Variants in SRL observed in about 807,000 individuals in gnomAD.
The protein encoded by SRL is sarcalumenin.
A neutral mutation model predicts 39.5 loss-of-function variants in SRL; 23 were observed. The observed-to-expected ratio is 0.58, with a 90% CI of 0.42 to 0.82. The LOEUF is 0.82. Among genes scored for constraint, SRL ranks in the 40% least tolerant of loss-of-function variants. The pLI is 0.00. For synonymous variants in SRL, 272 were observed against 237.4 expected, an observed-to-expected ratio of 1.15 and a Z score of -1.34; for missense variants, 592 against 607.8, an observed-to-expected ratio of 0.97 and a Z score of 0.27.
At chr16:4,228,756 A>C (rs1180127116) in intron 1 of SRL, among the ~76,000 whole-genome samples, 2 of 151,950 alleles carry the variant, frequency 1.3e-5, no homozygotes, top group Admixed American at 1.3e-4. Context: ...AAAAAAAGAA[A>C]GAAAAAGTGA....
At chr16:4,218,815 G>A (rs749299949) in intron 1 of SRL, among the ~76,000 whole-genome samples, 45 of 152,232 alleles carry the variant, frequency 3.0e-4, no homozygotes, top group Non-Finnish European at 5.6e-4. Context: ...CCAAGTCTAC[G>A]CAGAGTTAGT....
At position 4,192,813 on chromosome 16, in the gene SRL, C is replaced by A; in HGVS notation, c.762G>T (p.Leu254=). 6.2e-7 allele frequency: 1 copy of A among 1,614,202 alleles called. No homozygotes were observed. The highest frequency in any genetic ancestry group is 1.1e-5 in the South Asian group (1 of 91,082). ...GGGTGGCCAGATTGTCAGCCTTGTTCAGGATGATCCTTATCTGGGATTCAC... is the reference window on the plus strand; with the variant it reads ...GGGTGGCCAGATTGTCAGCCTTGTTAAGGATGATCCTTATCTGGGATTCAC... ...KGRESQIRII[L]NKADNLATQM... Residue 254 remains leucine (L), a synonymous_variant, in exon 6 of 6, where the codon CTG becomes CTT. Coordinates refer to ENST00000399609, the MANE Select transcript of SRL (RefSeq NM_001098814.2). This position sits in a 1 kb window ranked among gnomAD's most constrained non-coding sequence, Gnocchi z 4.0.
rs375302007 is a variant in SRL at position 4,192,591 on chromosome 16, G to A, written c.984C>T (p.Asn328=). The change falls in exon 6 of 6, where the codon AAC becomes AAT. Residue 328 remains asparagine (N), a synonymous_variant. Coordinates refer to ENST00000399609, the MANE Select transcript of SRL (RefSeq NM_001098814.2). This position sits in a 1 kb window ranked among gnomAD's most constrained non-coding sequence, Gnocchi z 4.0. ...LNQVIENRLE[N]KIAFIRQHAI... ...CGTGCTGGCGGATGAAGGCAATCTT[G>A]TTCTCCAGTCTGTTCTCGATCACCT... 1 of 1,614,066 alleles carries A rather than the reference G, an allele frequency of 6.2e-7. No homozygotes were observed. The highest frequency in any genetic ancestry group is 1.3e-5 in the African/African-American group (1 of 74,932).
At chr16:4,241,929 C>G in intron 1 of SRL, 78 bp downstream of exon 1, 2 of 1,541,856 alleles carry the variant, frequency 1.3e-6, no homozygotes, top group Non-Finnish European at 1.8e-6. Flanking sequence ...ACCCCCTACC[C>G]AACCCATGGT....
chr16:4,199,692 C>CTTTTTTTTTTTTTTTTTTTTT (rs201684866), intron 3 of SRL, among the ~76,000 whole-genome samples: 1 of 111,454 alleles, frequency 9.0e-6, no homozygotes, highest in African/African-American at 3.4e-5. Flanking sequence ...CTTTTCTTTT[C>CTTTTTTTTTTTTTTTTTTTTT]CTTTTTTTTT....
intron 1 of SRL, among the ~76,000 whole-genome samples, chr16:4,224,818 T>A (rs542703984): frequency 1.3e-5 from 2 of 151,988 alleles, no homozygotes; most frequent in Admixed American, 1.3e-4. Context: ...TGATTCACAA[T>A]AGCCAAAAGG....
At chr16:4,207,095 A>G (rs1404175657) in intron 1 of SRL, 4 of 454,902 alleles carry the variant, frequency 8.8e-6, no homozygotes, top group Non-Finnish European at 1.8e-5. Flanking sequence ...GGGGCTCCCC[A>G]GCCTCCTGGG....
At chr16:4,209,044 A>T (rs945189515) in intron 1 of SRL, among the ~76,000 whole-genome samples, 2 of 152,136 alleles carry the variant, frequency 1.3e-5, no homozygotes, top group African/African-American at 4.8e-5. Flanking sequence ...AGGTCGAGAT[A>T]GGCAGATCAC....
At position 4,213,449 on chromosome 16, in the gene SRL, G is replaced by A. The variant is rs1241992053; in HGVS notation, c.62-8815C>T. On this transcript the variant is annotated intron_variant, in intron 1 of 5. Transcript: ENST00000399609. Reference sequence around the variant, plus strand: ...TTTTTTTGAGACAGGTCTTGCTGTCGCCCAGGTTGGGGTTCAATGGCACAA... The same window carrying A: ...TTTTTTTGAGACAGGTCTTGCTGTCACCCAGGTTGGGGTTCAATGGCACAA... 4.4e-5 allele frequency among the ~76,000 whole-genome samples: 4 copies of A among 90,360 alleles called. No homozygotes were observed. The Admixed American group carries it at 4.5e-4, about 10-fold the overall frequency. The allele number at this position is 90,360 out of a possible 152,430, so 59.3% of individuals were successfully genotyped here. A position where few individuals can be genotyped will look rare whatever the true frequency, so the allele number is the denominator to read the frequency against.
rs76445266 is a variant in SRL at position 4,207,392 on chromosome 16, T to A, written c.62-2758A>T. 604 of 456,566 alleles carry A rather than the reference T, an allele frequency of 1.3e-3. 1 individual carries two copies. The highest frequency in any genetic ancestry group is 0.011 in the African/African-American group (532 of 50,148). 28.3% of individuals were successfully genotyped at this position (456,566 alleles called of 1,614,324 possible). A position where few individuals can be genotyped will look rare whatever the true frequency, so the allele number is the denominator to read the frequency against. ...GGTCCTCGGTGCCCTCACTGGCTTG[T>A]GTGTCAATATCTGGCTCCGACTCTC... On this transcript the variant is annotated intron_variant, in intron 1 of 5. Transcript: ENST00000399609.
At chr16:4,221,056 T>A (rs2052524856) in intron 1 of SRL, among the ~76,000 whole-genome samples, 1 of 151,544 alleles carries the variant, frequency 6.6e-6, no homozygotes, top group Non-Finnish European at 1.5e-5. Context: ...TTCCATTATT[T>A]TTTTTTTTTC....
chr16:4,213,448 C>T (rs868669528), intron 1 of SRL, among the ~76,000 whole-genome samples: 5 of 79,180 alleles, frequency 6.3e-5, no homozygotes, highest in Non-Finnish European at 9.4e-5. Context: ...GTCTTGCTGT[C>T]GCCCAGGTTG....
intron 1 of SRL, among the ~76,000 whole-genome samples, chr16:4,209,245 G>T (rs893885297): frequency 1.3e-5 from 2 of 151,810 alleles, no homozygotes; most frequent in Non-Finnish European, 2.9e-5. Context: ...TGCACTCCAG[G>T]CTGGGCGACA....
intron 1 of SRL, among the ~76,000 whole-genome samples, chr16:4,210,486 CTT>C (rs555999418): frequency 0.042 from 4,405 of 103,802 alleles, 79 homozygotes; most frequent in Non-Finnish European, 0.055. Flanking sequence ...TTACTCATAT[CTT>C]TTTTTTTTTT....
At chr16:4,235,996 G>A (rs1004812497) in intron 1 of SRL, among the ~76,000 whole-genome samples, 1 of 151,928 alleles carries the variant, frequency 6.6e-6, no homozygotes, top group African/African-American at 2.4e-5. Flanking sequence ...GATTGCTTGA[G>A]CCCAGGAGGT....
At chr16:4,210,009 C>T (rs1382139520) in intron 1 of SRL, among the ~76,000 whole-genome samples, 2 of 152,168 alleles carry the variant, frequency 1.3e-5, no homozygotes, top group African/African-American at 2.4e-5. Flanking sequence ...GCTCAAGCTC[C>T]GTACTGGTCC....
Position 4,191,970 on chromosome 16 carries a change from C to A in SRL, c.*183G>T. On this transcript the variant is annotated 3_prime_UTR_variant, in exon 6 of 6. Transcript: ENST00000399609. ...AACAAGACAAGCACACAGGAATTCA[C>A]AGTTTCCACTCTCCTCCCTAGACCC... 1.7e-6 allele frequency: 1 copy of A among 593,878 alleles called. No homozygotes were observed. Among genetic ancestry groups the A allele is most frequent in the Non-Finnish European group, 2.8e-6 (1 of 353,306 alleles). The allele number at this position is 593,878 out of a possible 1,614,324, so 36.8% of individuals were successfully genotyped here.
intron 1 of SRL, among the ~76,000 whole-genome samples, chr16:4,209,603 G>C (rs12325262): frequency 0.027 from 4,156 of 152,278 alleles, 174 homozygotes; most frequent in African/African-American, 0.09. Context: ...TTCCCCAAAA[G>C]CTGGGTGGCC....
At chr16:4,218,111 C>T (rs1002109210) in intron 1 of SRL, among the ~76,000 whole-genome samples, 1 of 152,098 alleles carries the variant, frequency 6.6e-6, no homozygotes, top group African/African-American at 2.4e-5. Context: ...CCCTGCAGTC[C>T]CTGACTCCAG....
Sources: allele counts gnomAD v4.1 joint callset (sites outside exome capture counted in the v4.1 genomes callset), GRCh38; gene constraint gnomAD v4.1.1; non-coding constraint Gnocchi (gnomAD v3.1); transcripts MANE v1.5; gene names NCBI Gene and HGNC (gene_info 2026-07-23, HGNC 2026-07-21).